FES: variants seen among roughly 807,000 people sequenced by gnomAD.
The protein encoded by FES is FES proto-oncogene, tyrosine kinase, also known as tyrosine-protein kinase Fes/Fps.
Under a neutral mutation model 109.6 loss-of-function variants are expected in FES, and 83 were observed. The observed-to-expected ratio is 0.76, with a 90% CI of 0.63 to 0.91. The LOEUF is 0.91. Among genes scored for constraint, FES ranks in the 40% least tolerant of loss-of-function variants. The probability of loss-of-function intolerance (pLI) is 0.00; values close to 1 mark genes in which losing one functional copy is unlikely to be tolerated. For missense variants in FES, 943 were observed against 1,070.9 expected, an observed-to-expected ratio of 0.88 and a Z score of 1.67; for synonymous variants, 458 against 442.1, an observed-to-expected ratio of 1.04 and a Z score of -0.45.
intron 17 of FES, 47 bp from the exon 18 acceptor site, chr15:90,893,889 C>G (rs754976766): frequency 5.0e-6 from 8 of 1,611,640 alleles, no homozygotes; most frequent in Non-Finnish European, 6.8e-6. Flanking sequence ...GCCCTGGCCC[C>G]AGGGAGGGTG....
intron 18 of FES, 140 bp downstream of exon 18, chr15:90,894,198 C>A (rs2033501096): frequency 4.9e-6 from 5 of 1,020,680 alleles, no homozygotes; most frequent in Non-Finnish European, 5.8e-6. Flanking sequence ...GCCTGTCATC[C>A]CAGCACTTTG....
intron 5 of FES, 64 bp downstream of exon 5, chr15:90,887,434 C>G (rs1378743866): frequency 4.1e-6 from 6 of 1,481,222 alleles, no homozygotes; most frequent in Non-Finnish European, 5.4e-6. Flanking sequence ...GCCATCAGGC[C>G]CAGAGGCAGG....
intron 3 of FES, among the ~76,000 whole-genome samples, chr15:90,886,195 G>A (rs2032602977): frequency 6.6e-6 from 1 of 152,228 alleles, no homozygotes; most frequent in Non-Finnish European, 1.5e-5. Flanking sequence ...GCGGCCCCTG[G>A]TGGCCACCCT....
At chr15:90,884,952 C>T in intron 1 of FES, 85 bp from the exon 2 acceptor site, 1 of 1,145,814 alleles carries the variant, frequency 8.7e-7, no homozygotes, top group Non-Finnish European at 1.2e-6. Flanking sequence ...TCCATCCTGA[C>T]CCTACAGTCC....
At chr15:90,894,247 C>G (rs541585575) in intron 18 of FES, among the ~76,000 whole-genome samples, 189 bp downstream of exon 18, 2 of 151,896 alleles carry the variant, frequency 1.3e-5, no homozygotes, top group African/African-American at 4.8e-5. Flanking sequence ...CCCAGGAGTT[C>G]AAGATCAGCT....
intron 3 of FES, 130 bp from the exon 4 acceptor site, chr15:90,886,831 A>T (rs1941776255): frequency 1.3e-6 from 1 of 759,972 alleles, no homozygotes; most frequent in Non-Finnish European, 2.2e-6. Flanking sequence ...TCACGTCAGC[A>T]GCCAGCTTTC....
intron 10 of FES, among the ~76,000 whole-genome samples, chr15:90,890,693 T>C (rs1210179189): frequency 1.4e-5 from 2 of 145,866 alleles, no homozygotes; most frequent in African/African-American, 5.1e-5. Flanking sequence ...CAACCTCGAC[T>C]ATTCCATGGC....
At position 90,895,683 on chromosome 15, in the gene FES, G is replaced by A. The variant is rs943303884; in HGVS notation, c.*125G>A. The A allele has an allele frequency of 1.3e-5, 11 of 836,136 alleles. No individual in the cohort carries two copies. The highest frequency in any genetic ancestry group is 1.2e-4 in the African/African-American group (7 of 56,496). The allele number at this position is 836,136 out of a possible 1,614,324, so 51.8% of individuals were successfully genotyped here. A position where few individuals can be genotyped will look rare whatever the true frequency, so the allele number is the denominator to read the frequency against. On this transcript the variant is annotated 3_prime_UTR_variant, in exon 19 of 19. Transcript: ENST00000328850. ...TCCTGCCACCAGCATCCACACTGCC[G>A]GCAGGATGCAGCGCCGTGTCCTCTC...
rs1015504835 is a variant in FES, at chr15:90,893,927, C to A, written c.2204-9C>A. On this transcript the variant is annotated splice_polypyrimidine_tract_variant and intron_variant, in intron 17 of 18. Coordinates refer to ENST00000328850, the MANE Select transcript of FES (RefSeq NM_002005.4). ...CTCACGCTGCCTCACCTCCTCGCCT[C>A]CTCTGCAGGCCGCTACTCCTCCGAA... 6.2e-7 allele frequency: 1 copy of A among 1,613,516 alleles called. No homozygotes were observed. The highest frequency in any genetic ancestry group is 1.1e-5 in the South Asian group (1 of 91,080).
intron 18 of FES, among the ~76,000 whole-genome samples, chr15:90,894,631 T>C (rs1452181283): frequency 6.6e-6 from 1 of 151,990 alleles, no homozygotes; most frequent in African/African-American, 2.4e-5. Flanking sequence ...CTGGGTGTGG[T>C]GACATGCGCC....
At chr15:90,886,314 A>G (rs2032616470) in intron 3 of FES, among the ~76,000 whole-genome samples, 1 of 152,260 alleles carries the variant, frequency 6.6e-6, no homozygotes, top group Non-Finnish European at 1.5e-5. Context: ...GTCTGTGACT[A>G]CAATGACAGA....
chr15:90,893,844 G>A (rs1397622395), intron 17 of FES, 33 bp downstream of exon 17: 3 of 1,597,858 alleles, frequency 1.9e-6, no homozygotes, highest in Non-Finnish European at 2.6e-6. Flanking sequence ...GGACTCCATG[G>A]CCAGAGGCCA....
chr15:90,894,748 AGAG>A (rs1206192310), intron 18 of FES, among the ~76,000 whole-genome samples: 1 of 60,746 alleles, frequency 1.6e-5, no homozygotes, highest in South Asian at 1.0e-3. Context: ...CCTGGGTGAC[AGAG>A]AGAGAGAGAG....
chr15:90,893,400 G>A lies in FES; in HGVS notation c.2031G>A (p.Lys677=). 1 of 1,549,256 alleles carries A rather than the reference G, an allele frequency of 6.5e-7. No homozygotes were observed. The highest frequency in any genetic ancestry group is 8.7e-7 in the Non-Finnish European group (1 of 1,150,504). ...CTGGCATGGAGTACCTGGAGAGCAA[G>A]TGCTGCATCCACCGGTGAGTGGGCG... ...AAAGMEYLES[K]CCIHRDLAAR... is the part of the protein sequence containing the mutation. Residue 677 remains lysine (K), a synonymous_variant, in exon 16 of 19, where the codon AAG becomes AAA. Coordinates refer to ENST00000328850, the MANE Select transcript of FES (RefSeq NM_002005.4).
intron 2 of FES, 68 bp from the exon 3 acceptor site, chr15:90,885,344 G>A: frequency 6.3e-7 from 1 of 1,596,882 alleles, no homozygotes; most frequent in South Asian, 1.1e-5. Flanking sequence ...AGTGGCTGGA[G>A]ATCTGGCAGG....
At chr15:90,887,755 G>A (rs1025397699) in intron 5 of FES, among the ~76,000 whole-genome samples, 7 of 152,238 alleles carry the variant, frequency 4.6e-5, no homozygotes, top group Non-Finnish European at 1.0e-4. Context: ...GGAGGCAAGG[G>A]AGGAGGTGAC....
At chr15:90,891,992 G>A in intron 12 of FES, 66 bp from the exon 13 acceptor site, 1 of 1,592,198 alleles carries the variant, frequency 6.3e-7, no homozygotes, top group South Asian at 1.1e-5. Flanking sequence ...GGAGGACACA[G>A]CCCTTCTAAG....
rs376060341 is a variant in FES at position 90,893,639 on chromosome 15, C to G, written c.2046-15C>G. The stretch of plus-strand genomic sequence containing the variant: ...CGACTGTTGGCCAAATGAGCCCCTG[C>G]CCTGTCTCACCCAGGGACCTGGCTG... On this transcript the variant is annotated splice_polypyrimidine_tract_variant and intron_variant, in intron 16 of 18. Coordinates refer to ENST00000328850, the MANE Select transcript of FES (RefSeq NM_002005.4). 10 of 1,564,518 alleles carry G rather than the reference C, an allele frequency of 6.4e-6. No homozygotes were observed. The highest frequency in any genetic ancestry group is 7.8e-6 in the Non-Finnish European group (9 of 1,154,192).
In FES at chr15:90,895,719, C is replaced by A. The variant is rs576129945; in HGVS notation, c.*161C>A. 2 of 545,328 alleles carry A rather than the reference C, an allele frequency of 3.7e-6. No homozygotes were observed. The highest frequency in any genetic ancestry group is 7.2e-5 in the South Asian group (2 of 27,636). 33.8% of individuals were successfully genotyped at this position (545,328 alleles called of 1,614,324 possible). ...GCGCCGTGTCCTCTCTGTGTCCCTG[C>A]TGCTGCCAGGGCTTCCTCTTCCGGG... On this transcript the variant is annotated 3_prime_UTR_variant, in exon 19 of 19. Transcript: ENST00000328850.
Sources: allele counts gnomAD v4.1 joint callset (sites outside exome capture counted in the v4.1 genomes callset), GRCh38; gene constraint gnomAD v4.1.1; transcripts MANE v1.5; gene names NCBI Gene and HGNC (gene_info 2026-07-23, HGNC 2026-07-21).